SMURF1: variants seen among roughly 807,000 people sequenced by gnomAD.
SMURF1 encodes E3 ubiquitin-protein ligase SMURF1.
Under a neutral mutation model 98.0 loss-of-function variants are expected in SMURF1, and 44 were observed. The observed-to-expected ratio is 0.45, with a 90% confidence interval of 0.35 to 0.58. SMURF1 has a LOEUF of 0.58. Ranked by LOEUF, SMURF1 falls within the 20% of genes least tolerant of loss-of-function variation. The pLI is 0.00. For synonymous variants in SMURF1, 396 were observed against 374.9 expected, an observed-to-expected ratio of 1.06 and a Z score of -0.65; for missense variants, 687 against 938.4, an observed-to-expected ratio of 0.73 and a Z score of 3.50.
In SMURF1 at chr7:99,086,878, A is replaced by C. The variant is rs189543834; in HGVS notation, c.56-25041T>G. On this transcript the variant is annotated intron_variant, in intron 1 of 17. Coordinates refer to ENST00000361368, the MANE Select transcript of SMURF1 (RefSeq NM_181349.3). ...AGAATAGACAAATCTATATATAAAG[A>C]AAGTAGATTAGTGGTTGCCAGGGAC... is the stretch of plus-strand genomic sequence containing the variant. 3.9e-5 allele frequency among the ~76,000 whole-genome samples: 6 copies of C among 152,340 alleles called. No homozygotes were observed. In the East Asian group the frequency reaches 1.2e-3, roughly 29 times the overall value.
intron 1 of SMURF1, among the ~76,000 whole-genome samples, chr7:99,121,865 A>G (rs1490310001): frequency 6.6e-6 from 1 of 152,132 alleles, no homozygotes; most frequent in African/African-American, 2.4e-5. Flanking sequence ...GGGGAAAACC[A>G]TTGTTCCAAC....
chr7:99,039,643 T>C (rs1434258043), intron 13 of SMURF1, among the ~76,000 whole-genome samples: 1 of 152,022 alleles, frequency 6.6e-6, no homozygotes, highest in Admixed American at 6.6e-5. Context: ...GCTGGGATAA[T>C]AGGCATGAGC....
chr7:99,093,633 A>G (rs1347837487), intron 1 of SMURF1, among the ~76,000 whole-genome samples: 1 of 152,154 alleles, frequency 6.6e-6, no homozygotes, highest in South Asian at 2.1e-4. Flanking sequence ...AAATCATTTT[A>G]TGCCAAACTA....
At chr7:99,130,886 A>C (rs1467897376) in intron 1 of SMURF1, among the ~76,000 whole-genome samples, 2 of 152,216 alleles carry the variant, frequency 1.3e-5, no homozygotes, top group African/African-American at 2.4e-5. Context: ...TCCCAGCCAC[A>C]GCGGTTGGTT....
chr7:99,039,195 A>C (rs1342807860), intron 13 of SMURF1, among the ~76,000 whole-genome samples: 2 of 48,238 alleles, frequency 4.1e-5, no homozygotes, highest in Admixed American at 1.9e-4. Context: ...CTCTGTCTCA[A>C]AAAAAAAAAA....
In SMURF1 at chr7:99,027,903, AG is replaced by A. The variant is rs1794747276; in HGVS notation, c.*2680del. ...TTGGACCATACGTCCGAACAAGCTC[AG>A]GGGTCGAAATTCGATCTGGTGGCAG... On this transcript the variant is annotated 3_prime_UTR_variant, in exon 18 of 18. Coordinates refer to ENST00000361368, the MANE Select transcript of SMURF1 (RefSeq NM_181349.3). The A allele has an allele frequency of 6.6e-6, 1 of 152,632 alleles. No individual in the cohort carries two copies. Among genetic ancestry groups the A allele is most frequent in the African/African-American group, 2.4e-5 (1 of 41,438 alleles). 9.5% of individuals were successfully genotyped at this position (152,632 alleles called of 1,614,324 possible).
Position 99,033,017 on chromosome 7 carries a change from T to C in SMURF1, c.2096+20A>G, listed in dbSNP as rs370911990. Reference sequence around the variant, plus strand: ...TCTGGGGCTCCCAGGACGCCGTGACTTCCTGGCCGCGGTGCTTACCAGGTA... The same window carrying C: ...TCTGGGGCTCCCAGGACGCCGTGACCTCCTGGCCGCGGTGCTTACCAGGTA... On this transcript the variant is annotated intron_variant, in intron 17 of 17. Transcript: ENST00000361368. 6.3e-7 allele frequency: 1 copy of C among 1,599,996 alleles called. No homozygotes were observed. Among genetic ancestry groups the C allele is most frequent in the African/African-American group, 1.3e-5 (1 of 74,692 alleles).
intron 12 of SMURF1, among the ~76,000 whole-genome samples, chr7:99,041,139 C>T (rs948925727): frequency 3.3e-5 from 5 of 152,218 alleles, no homozygotes; most frequent in East Asian, 1.9e-4. Context: ...TGGTTGCTCA[C>T]GCCTGTAATC....
At chr7:99,098,302 A>G (rs1471190526) in intron 1 of SMURF1, among the ~76,000 whole-genome samples, 1 of 152,230 alleles carries the variant, frequency 6.6e-6, no homozygotes. Context: ...TTTTAACCCC[A>G]AAATGAGCAT....
At chr7:99,057,580 A>C in intron 3 of SMURF1, 29 bp from the exon 4 acceptor site, 1 of 1,508,088 alleles carries the variant, frequency 6.6e-7, no homozygotes. Flanking sequence ...ACTCATTTTT[A>C]ATTGTGTTTG....
intron 1 of SMURF1, among the ~76,000 whole-genome samples, chr7:99,069,502 G>A (rs767049002): frequency 3.3e-5 from 5 of 152,048 alleles, no homozygotes; most frequent in Non-Finnish European, 7.4e-5. Flanking sequence ...GGGACTACAG[G>A]GCATGCACCA....
At chr7:99,083,186 T>C (rs941319639) in intron 1 of SMURF1, among the ~76,000 whole-genome samples, 1 of 152,144 alleles carries the variant, frequency 6.6e-6, no homozygotes, top group Non-Finnish European at 1.5e-5. Flanking sequence ...CACAGAATGG[T>C]ACATTTAAAA....
chr7:99,039,671 T>A (rs1045450694), intron 13 of SMURF1, among the ~76,000 whole-genome samples: 1 of 151,872 alleles, frequency 6.6e-6, no homozygotes, highest in African/African-American at 2.4e-5. Flanking sequence ...CCCAGCTGAG[T>A]GGAAGATTTT....
chr7:99,063,231 T>A (rs1482804996), intron 1 of SMURF1, among the ~76,000 whole-genome samples: 2 of 106,690 alleles, frequency 1.9e-5, no homozygotes, highest in African/African-American at 8.8e-5. Flanking sequence ...TATATATATA[T>A]AAGATTTATT....
At chr7:99,126,491 A>G (rs993284493) in intron 1 of SMURF1, among the ~76,000 whole-genome samples, 1 of 151,810 alleles carries the variant, frequency 6.6e-6, no homozygotes, top group African/African-American at 2.4e-5. Context: ...CCCTGTCTCT[A>G]TTAAAAATGT....
rs1795898791 is a variant in SMURF1 at position 99,057,219 on chromosome 7, C to T, written c.389G>A (p.Arg130His). 6.8e-6 allele frequency: 11 copies of T among 1,613,898 alleles called. No individual in the cohort carries two copies. Among genetic ancestry groups the T allele is most frequent in the South Asian group, 1.1e-5 (1 of 91,072 alleles). The change falls in exon 5 of 18, where the codon CGT (arginine) becomes CAT (histidine). Residue 130 changes from arginine (R) to histidine (H), a missense_variant. Around this residue, in one of 2 missense-constraint regions of SMURF1, gnomAD observed 415 missense variants for 508.4 expected, o/e 0.82. Coordinates refer to ENST00000361368, the MANE Select transcript of SMURF1 (RefSeq NM_181349.3). ...AAAGTTCTTACCCACTATCTGGCCA[C>T]GAACTGCATCAGTATCTGAGGGGTT... Reference protein sequence around the residue: ...KLNPSDTDAVRGQIVVSLQTR... With the variant: ...KLNPSDTDAVHGQIVVSLQTR...
Position 99,033,046 on chromosome 7 carries a change from G to A in SMURF1, c.2087C>T (p.Ala696Val). ...IDANTDNLPK[A>V]HTCFNRIDIP... ...TGGCCGCGGTGCTTACCAGGTATGG[G>A]CCTTCGGAAGGTTGTCTGTGTTCGC... is the stretch of plus-strand genomic sequence containing the variant. Residue 696 changes from alanine (A) to valine (V), a missense_variant, in exon 17 of 18, where the codon GCC becomes GTC. Transcript: ENST00000361368. 1 of 1,597,218 alleles carries A rather than the reference G, an allele frequency of 6.3e-7. No homozygotes were observed. The highest frequency in any genetic ancestry group is 8.5e-7 in the Non-Finnish European group (1 of 1,171,246).
chr7:99,073,343 C>T (rs1455985391), intron 1 of SMURF1, among the ~76,000 whole-genome samples: 1 of 148,492 alleles, frequency 6.7e-6, no homozygotes, highest in Admixed American at 6.7e-5. Flanking sequence ...CACGCAACTG[C>T]ACTCCAGCCT....
At chr7:99,033,667 C>T (rs534376774) in intron 16 of SMURF1, among the ~76,000 whole-genome samples, 1 of 152,240 alleles carries the variant, frequency 6.6e-6, no homozygotes, top group African/African-American at 2.4e-5. Flanking sequence ...AAGGCCCCCC[C>T]TAAAGTGCAC....
Sources: allele counts gnomAD v4.1 joint callset (sites outside exome capture counted in the v4.1 genomes callset), GRCh38; gene constraint gnomAD v4.1.1; regional missense constraint gnomAD v4.1.1; transcripts MANE v1.5; gene names NCBI Gene and HGNC (gene_info 2026-07-23, HGNC 2026-07-21).